Variants in ZFHX3 observed in about 807,000 individuals in gnomAD.
ZFHX3 encodes zinc finger homeobox 3.
ZFHX3 carries 42 observed loss-of-function variants against 279.1 expected under a neutral mutation model. The observed-to-expected ratio is 0.15, with a 90% CI of 0.12 to 0.19. The LOEUF is 0.19. Ranked by LOEUF, ZFHX3 falls within the 10% of genes least tolerant of loss-of-function variation. The probability of loss-of-function intolerance (pLI) is 1.00; values close to 1 mark genes in which losing one functional copy is unlikely to be tolerated. For synonymous variants in ZFHX3, 2,293 were observed against 1,957.8 expected (o/e 1.17, Z -4.52); for missense variants, 4,981 against 4,754.0 (o/e 1.05, Z -1.40).
intron 7 of ZFHX3, among the ~76,000 whole-genome samples, chr16:73,097,789 AT>A (rs1385824938): frequency 3.3e-5 from 5 of 152,096 alleles, no homozygotes; most frequent in Non-Finnish European, 2.9e-5. Flanking sequence ...GTCTCTATGA[AT>A]TTGCTATTCT....
intron 5 of ZFHX3, among the ~76,000 whole-genome samples, chr16:73,221,629 C>T (rs2012424115): frequency 6.6e-6 from 1 of 152,132 alleles, no homozygotes. Flanking sequence ...TGGGAACTCC[C>T]ATCTTCTCTG....
At chr16:73,663,809 G>C (rs760417990) in intron 2 of ZFHX3, among the ~76,000 whole-genome samples, 11 of 152,204 alleles carry the variant, frequency 7.2e-5, no homozygotes, top group Non-Finnish European at 1.3e-4. Flanking sequence ...CACTATCTCT[G>C]AGAGGGAAAT....
At chr16:72,907,467 C>T (rs1335360282) in intron 3 of ZFHX3, among the ~76,000 whole-genome samples, 2 of 151,784 alleles carry the variant, frequency 1.3e-5, no homozygotes, top group African/African-American at 4.8e-5. Flanking sequence ...GGGTCTTTAT[C>T]ACCCACTACT....
chr16:72,925,384 T>C (rs964942642), intron 3 of ZFHX3, among the ~76,000 whole-genome samples: 171 of 152,346 alleles, frequency 1.1e-3, no homozygotes, highest in African/African-American at 3.8e-3. Flanking sequence ...ACAAAGAACC[T>C]TGAGGTCCCT....
chr16:73,522,286 A>G (rs1161826513), intron 2 of ZFHX3, among the ~76,000 whole-genome samples: 1 of 152,224 alleles, frequency 6.6e-6, no homozygotes, highest in Non-Finnish European at 1.5e-5. Flanking sequence ...AACAGACATA[A>G]TGAACTTCCT....
At chr16:73,751,070 G>A (rs2053757964) in intron 1 of ZFHX3, among the ~76,000 whole-genome samples, 1 of 152,198 alleles carries the variant, frequency 6.6e-6, no homozygotes, top group Admixed American at 6.5e-5. Flanking sequence ...TAATTGAAGT[G>A]TGGTGACTCT....
intron 1 of ZFHX3, among the ~76,000 whole-genome samples, chr16:73,866,563 T>G (rs560790914): frequency 2.1e-4 from 32 of 152,116 alleles, no homozygotes; most frequent in Admixed American, 1.8e-3. Flanking sequence ...GGCCTCAAAT[T>G]ATTTTTGTCT....
intron 2 of ZFHX3, among the ~76,000 whole-genome samples, chr16:73,636,214 A>G (rs2052525853): frequency 6.6e-6 from 1 of 152,216 alleles, no homozygotes; most frequent in Non-Finnish European, 1.5e-5. Flanking sequence ...AGACTCCTCA[A>G]GATCATTATC....
intron 1 of ZFHX3, among the ~76,000 whole-genome samples, chr16:72,981,877 C>CTTTTTT (rs34508059): frequency 7.7e-6 from 1 of 130,718 alleles, no homozygotes; most frequent in African/African-American, 2.9e-5. Context: ...ACACATTTTC[C>CTTTTTT]TTTTTTTTTT....
chr16:73,129,626 G>A (rs972056459), intron 7 of ZFHX3, among the ~76,000 whole-genome samples: 1 of 151,252 alleles, frequency 6.6e-6, no homozygotes, highest in Non-Finnish European at 1.5e-5. Context: ...GCATGCAGAT[G>A]TGTGCGTGTG....
Position 72,954,774 on chromosome 16 carries a change from A to G in ZFHX3, c.2719+2653T>C, listed in dbSNP as rs921153512. On this transcript the variant is annotated intron_variant, in intron 2 of 9. Transcript: ENST00000268489. ...CAGCAGATCCGACTGTACTAGGCGA[A>G]GGAGCCCCAAGCCTTTCCTCAAAGG... 7.9e-5 allele frequency among the ~76,000 whole-genome samples: 12 copies of G among 152,220 alleles called. 1 individual carries two copies. Among genetic ancestry groups the G allele is most frequent in the Admixed American group, 7.9e-4 (12 of 15,286 alleles).
At chr16:73,350,932 G>A (rs116790661) in intron 3 of ZFHX3, among the ~76,000 whole-genome samples, 2,562 of 152,284 alleles carry the variant, frequency 0.017, 74 homozygotes, top group African/African-American at 0.058. Flanking sequence ...AAGGGAGGAT[G>A]TGGGCCAGCT....
At chr16:72,814,945 C>T (rs1597267647) in intron 5 of ZFHX3, among the ~76,000 whole-genome samples, 1 of 152,098 alleles carries the variant, frequency 6.6e-6, no homozygotes, top group Non-Finnish European at 1.5e-5. Context: ...CTATAAACAC[C>T]CAGTTACAAT....
intron 7 of ZFHX3, among the ~76,000 whole-genome samples, chr16:73,115,031 C>T (rs1310876550): frequency 6.6e-6 from 1 of 152,164 alleles, no homozygotes; most frequent in African/African-American, 2.4e-5. Context: ...ATAGAAGCAG[C>T]TGTCTTCAGC....
intron 2 of ZFHX3, among the ~76,000 whole-genome samples, chr16:73,569,095 G>A (rs1193357970): frequency 6.6e-6 from 1 of 152,126 alleles, no homozygotes; most frequent in Admixed American, 6.5e-5. Context: ...AGTCAAGCCA[G>A]GGACCTTAGC....
Position 73,758,246 on chromosome 16 carries a change from A to G in ZFHX3, c.-1607-78006T>C, listed in dbSNP as rs549326601. Among the ~76,000 whole-genome samples, 159 of 152,186 alleles carry G rather than the reference A, an allele frequency of 1.0e-3. 1 individual carries two copies. The highest frequency in any genetic ancestry group is 7.7e-4 in the East Asian group (4 of 5,174). The stretch of plus-strand genomic sequence containing the variant: ...AATGTTACTAGAAATTCATTCATTC[A>G]TTCATTCATTCATTCAACAGATATT... On this transcript the variant is annotated intron_variant, in intron 1 of 17. Transcript: ENST00000641206.
At chr16:73,714,608 C>T (rs1165033991) in intron 1 of ZFHX3, among the ~76,000 whole-genome samples, 4 of 152,226 alleles carry the variant, frequency 2.6e-5, no homozygotes, top group African/African-American at 4.8e-5. Context: ...GACGTCTGCA[C>T]GTGTGTGTTA....
chr16:72,990,845 C>T (rs1330950799), intron 1 of ZFHX3, among the ~76,000 whole-genome samples: 3 of 151,964 alleles, frequency 2.0e-5, no homozygotes, highest in South Asian at 2.1e-4. Context: ...CCGGGTGTGG[C>T]GGCACATGCC....
chr16:73,227,887 AAAC>A (rs2012653487), intron 5 of ZFHX3, among the ~76,000 whole-genome samples: 1 of 150,470 alleles, frequency 6.6e-6, no homozygotes. Flanking sequence ...ATCGAAGCTG[AAAC>A]AACAATAACA....
Sources: allele counts gnomAD v4.1 joint callset (sites outside exome capture counted in the v4.1 genomes callset), GRCh38; gene constraint gnomAD v4.1.1; transcripts MANE v1.5; gene names NCBI Gene and HGNC (gene_info 2026-07-23, HGNC 2026-07-21).